CDH12: variants seen among roughly 807,000 people sequenced by gnomAD.
CDH12 encodes cadherin 12, also known as cadherin-12.
A neutral mutation model predicts 74.1 loss-of-function variants in CDH12; 41 were observed. The ratio of observed to expected loss-of-function variants is 0.55; its 90% CI spans 0.43 to 0.72. The LOEUF (loss-of-function observed/expected upper bound fraction) is 0.72, where lower values mean the gene tolerates loss of function less well. Ranked by LOEUF, CDH12 falls within the 30% of genes least tolerant of loss-of-function variation. The pLI is 0.00. For synonymous variants in CDH12, 399 were observed against 355.0 expected (o/e 1.12, Z -1.39); for missense variants, 945 against 977.2 (o/e 0.97, Z 0.44).
At chr5:21,828,284 A>G (rs1402699551) in intron 8 of CDH12, among the ~76,000 whole-genome samples, 1 of 152,050 alleles carries the variant, frequency 6.6e-6, no homozygotes, top group Non-Finnish European at 1.5e-5. Flanking sequence ...CACCATGGCC[A>G]GCTAATTTTG....
In CDH12 at chr5:22,499,152, G is replaced by A. The variant is rs888897518; in HGVS notation, c.-428+6118C>T. 2.4e-4 allele frequency among the ~76,000 whole-genome samples: 36 copies of A among 151,358 alleles called. 1 individual carries two copies. The highest frequency in any genetic ancestry group is 8.5e-4 in the African/African-American group (35 of 41,154). On this transcript the variant is annotated intron_variant, in intron 2 of 14. Transcript: ENST00000382254. The stretch of plus-strand genomic sequence containing the variant: ...TGGTTTTGAACTCCTGACCTCAAGT[G>A]ATCCGCCTGTCTTGGCCTCCCAAAG...
At chr5:22,382,262 A>G (rs1741796154) in intron 3 of CDH12, among the ~76,000 whole-genome samples, 1 of 146,778 alleles carries the variant, frequency 6.8e-6, no homozygotes, top group South Asian at 2.1e-4. Context: ...ATTTTTATAG[A>G]ATACATATTA....
At chr5:22,733,957 A>G (rs1033030058) in intron 1 of CDH12, among the ~76,000 whole-genome samples, 1 of 151,956 alleles carries the variant, frequency 6.6e-6, no homozygotes, top group Admixed American at 6.6e-5. Context: ...CAGCCAGTCA[A>G]CAATATCCCC....
intron 6 of CDH12, among the ~76,000 whole-genome samples, chr5:21,966,736 G>C (rs1004962764): frequency 3.3e-5 from 5 of 151,962 alleles, no homozygotes; most frequent in African/African-American, 1.2e-4. Flanking sequence ...TACTGTGCCT[G>C]AGATGATAGA....
At chr5:22,411,853 C>T (rs1329720302) in intron 2 of CDH12, among the ~76,000 whole-genome samples, 1 of 151,984 alleles carries the variant, frequency 6.6e-6, no homozygotes, top group Non-Finnish European at 1.5e-5. Flanking sequence ...GAGACTACCT[C>T]ATCAATTTCT....
chr5:22,037,979 T>C (rs1323841656), intron 5 of CDH12, among the ~76,000 whole-genome samples: 2 of 152,100 alleles, frequency 1.3e-5, no homozygotes, highest in Admixed American at 6.5e-5. Context: ...ATCAACACCT[T>C]GGACACGTAC....
chr5:21,874,635 T>C (rs1468119775), intron 6 of CDH12, among the ~76,000 whole-genome samples: 4 of 152,162 alleles, frequency 2.6e-5, no homozygotes, highest in Non-Finnish European at 5.9e-5. Flanking sequence ...ATCTTGCAAC[T>C]GCACATTCTT....
chr5:22,383,659 T>C (rs779206979), intron 3 of CDH12, among the ~76,000 whole-genome samples: 33 of 152,224 alleles, frequency 2.2e-4, no homozygotes, highest in Non-Finnish European at 3.2e-4. Flanking sequence ...TTAAACCTTC[T>C]AGGCCAAAAT....
chr5:22,773,098 A>C (rs908068468), intron 1 of CDH12, among the ~76,000 whole-genome samples: 1 of 152,130 alleles, frequency 6.6e-6, no homozygotes, highest in Non-Finnish European at 1.5e-5. Flanking sequence ...CTACAGATGC[A>C]TTGTTATTCC....
chr5:22,491,873 G>T (rs1461992991), intron 2 of CDH12, among the ~76,000 whole-genome samples: 1 of 152,134 alleles, frequency 6.6e-6, no homozygotes, highest in East Asian at 1.9e-4. Context: ...TCTCTGGTTT[G>T]TAGATGACCG....
rs879273149 is a variant in CDH12 at position 22,059,298 on chromosome 5, CT to C, written c.231+19147del. ...ATCTATCTATCTATCTATCTATCAT[CT>C]ATCTATCTATCATCTATCCATCTAT... On this transcript the variant is annotated intron_variant, in intron 5 of 14. Coordinates refer to ENST00000382254, the MANE Select transcript of CDH12 (RefSeq NM_004061.5). Among the ~76,000 whole-genome samples, 1,113 of 139,844 alleles carry C rather than the reference CT, an allele frequency of 8.0e-3. 13 individuals carry two copies. Among genetic ancestry groups the C allele is most frequent in the South Asian group, 0.029 (119 of 4,102 alleles). The allele number at this position is 139,844 out of a possible 152,430, so 91.7% of individuals were successfully genotyped here.
At chr5:22,353,351 T>G (rs1301348150) in intron 3 of CDH12, among the ~76,000 whole-genome samples, 1 of 152,194 alleles carries the variant, frequency 6.6e-6, no homozygotes, top group Non-Finnish European at 1.5e-5. Context: ...CTAAATTAAC[T>G]ACTGCTAAGA....
chr5:22,627,698 A>T (rs1459570937), intron 1 of CDH12, among the ~76,000 whole-genome samples: 1 of 152,104 alleles, frequency 6.6e-6, no homozygotes, highest in Non-Finnish European at 1.5e-5. Flanking sequence ...TAATAACCAG[A>T]TAACTACTTA....
chr5:22,708,373 T>C (rs1302267145), intron 1 of CDH12, among the ~76,000 whole-genome samples: 1 of 152,152 alleles, frequency 6.6e-6, no homozygotes, highest in Non-Finnish European at 1.5e-5. Flanking sequence ...AAAATAACAA[T>C]TCTTCTAAAG....
chr5:21,896,038 T>A (rs2150049246), intron 6 of CDH12, among the ~76,000 whole-genome samples: 1 of 152,266 alleles, frequency 6.6e-6, no homozygotes, highest in African/African-American at 2.4e-5. Flanking sequence ...AATCTTAAAT[T>A]GAATTAAAGC....
intron 7 of CDH12, among the ~76,000 whole-genome samples, chr5:21,843,703 G>A (rs1452035309): frequency 6.6e-6 from 1 of 151,906 alleles, no homozygotes; most frequent in Non-Finnish European, 1.5e-5. Context: ...AGTAGAGATG[G>A]GGTGACACCT....
chr5:22,507,659 C>T (rs1736441102), intron 1 of CDH12, among the ~76,000 whole-genome samples: 1 of 152,152 alleles, frequency 6.6e-6, no homozygotes, highest in Admixed American at 6.5e-5. Flanking sequence ...ATTTCATTCC[C>T]TTCATCTATA....
chr5:22,154,481 ATGTACACATATATATG>A (rs1424852208), intron 4 of CDH12, among the ~76,000 whole-genome samples: 470 of 1,936 alleles, frequency 0.24, 11 homozygotes, highest in Non-Finnish European at 0.35. Flanking sequence ...ACACATATAT[ATGTACACATATATATG>A]TACACATATA....
In CDH12 at chr5:22,581,042, C is replaced by T. The variant is rs563508283; in HGVS notation, c.-522-75678G>A. On this transcript the variant is annotated intron_variant, in intron 1 of 14. Transcript: ENST00000382254. Reference sequence around the variant, plus strand: ...AAACTTTAGAAAATTTGCAGTGATACAATGCAATAGAAAAAAAATCCCATT... The same window carrying T: ...AAACTTTAGAAAATTTGCAGTGATATAATGCAATAGAAAAAAAATCCCATT... Among the ~76,000 whole-genome samples, 26 of 152,174 alleles carry T rather than the reference C, an allele frequency of 1.7e-4. No individual in the cohort carries two copies. The East Asian group carries it at 5.0e-3, about 29-fold the overall frequency.
Sources: gnomAD v4.1 joint callset for allele counts (sites outside exome capture counted in the v4.1 genomes callset) on GRCh38, gnomAD v4.1.1 for gene constraint, MANE v1.5 for transcripts, NCBI Gene and HGNC (gene_info 2026-07-23, HGNC 2026-07-21) for gene names.